MYO3A: variants seen among roughly 807,000 people sequenced by gnomAD.
MYO3A encodes the protein myosin IIIA.
Under a neutral mutation model 192.7 loss-of-function variants are expected in MYO3A, and 180 were observed. The observed-to-expected ratio is 0.93, with a 90% CI of 0.83 to 1.06. MYO3A has a LOEUF of 1.06. Among genes scored for constraint, MYO3A ranks in the 50% least tolerant of loss-of-function variants. The pLI is 0.00. For synonymous variants in MYO3A, 628 were observed against 645.3 expected (o/e 0.97, Z 0.41); for missense variants, 1,896 against 1,905.0 (o/e 1.00, Z 0.09).
chr10:25,934,894 T>C (rs1437734688), intron 1 of MYO3A, among the ~76,000 whole-genome samples: 1 of 151,178 alleles, frequency 6.6e-6, no homozygotes, highest in Non-Finnish European at 1.5e-5. Flanking sequence ...TCTTTAGGGG[T>C]GAACTTGGGA....
At chr10:25,941,625 T>G (rs1836492709) in intron 2 of MYO3A, among the ~76,000 whole-genome samples, 1 of 152,150 alleles carries the variant, frequency 6.6e-6, no homozygotes, top group African/African-American at 2.4e-5. Flanking sequence ...TACATAAAAT[T>G]TACCCTTTAA....
At chr10:26,165,209 TA>T (rs1369350258) in intron 26 of MYO3A, among the ~76,000 whole-genome samples, 1 of 152,104 alleles carries the variant, frequency 6.6e-6, no homozygotes, top group Non-Finnish European at 1.5e-5. Context: ...GAGTCAAGGG[TA>T]AAACTCTGCT....
chr10:26,159,130 A>G (rs1051694577), intron 26 of MYO3A, among the ~76,000 whole-genome samples: 1 of 150,336 alleles, frequency 6.7e-6, no homozygotes, highest in African/African-American at 2.4e-5. Flanking sequence ...AGCTAGAACT[A>G]CAGGCGCCCG....
At chr10:26,051,379 C>T (rs1843991974) in intron 10 of MYO3A, among the ~76,000 whole-genome samples, 1 of 151,810 alleles carries the variant, frequency 6.6e-6, no homozygotes, top group Non-Finnish European at 1.5e-5. Context: ...TTTCTATACA[C>T]ATCAGTTGCA....
intron 21 of MYO3A, among the ~76,000 whole-genome samples, chr10:26,144,592 A>G (rs1302268460): frequency 6.6e-6 from 1 of 152,178 alleles, no homozygotes; most frequent in Non-Finnish European, 1.5e-5. Context: ...GCTGCCTTTA[A>G]GATCATGTTT....
Position 26,120,758 on chromosome 10 carries a change from A to C in MYO3A, c.1859A>C (p.Gln620Pro), listed in dbSNP as rs886463338. The change falls in exon 18 of 35, where the codon CAG (glutamine) becomes CCG (proline). Residue 620 changes from glutamine to proline, a missense_variant. Coordinates refer to ENST00000642920, the MANE Select transcript of MYO3A (RefSeq NM_017433.5). ...TTTTCTTCTGTGGCAACTGAACACCAGATTGACAAGAGCCACATTTCTAAT... is the reference window on the plus strand; with the variant it reads ...TTTTCTTCTGTGGCAACTGAACACCCGATTGACAAGAGCCACATTTCTAAT... ...IEFSSVATEH[Q>P]IDKSHISNHT... 1 of 1,614,134 alleles carries C rather than the reference A, an allele frequency of 6.2e-7. No homozygotes were observed. The highest frequency in any genetic ancestry group is 1.7e-4 in the Middle Eastern group (1 of 6,060).
intron 14 of MYO3A, among the ~76,000 whole-genome samples, chr10:26,076,002 G>C (rs1332100914): frequency 6.6e-6 from 1 of 150,948 alleles, no homozygotes; most frequent in Non-Finnish European, 1.5e-5. Context: ...TTTTCTTCTG[G>C]GTGGATACCC....
intron 34 of MYO3A, among the ~76,000 whole-genome samples, chr10:26,209,035 C>T (rs1844103099): frequency 6.6e-6 from 1 of 152,232 alleles, no homozygotes; most frequent in Admixed American, 6.5e-5. Context: ...CCTGTCCACT[C>T]TTTCAAACTT....
chr10:26,176,150 C>T (rs1842318756), intron 30 of MYO3A, among the ~76,000 whole-genome samples: 2 of 152,044 alleles, frequency 1.3e-5, no homozygotes, highest in African/African-American at 2.4e-5. Context: ...AAAAATCAGC[C>T]GGGCGTGGTG....
chr10:26,191,768 A>T (rs1279650323), intron 31 of MYO3A, among the ~76,000 whole-genome samples: 1 of 152,212 alleles, frequency 6.6e-6, no homozygotes, highest in Non-Finnish European at 1.5e-5. Flanking sequence ...CCCTCGGTTG[A>T]AGCTGATTTA....
intron 14 of MYO3A, among the ~76,000 whole-genome samples, chr10:26,086,465 C>G (rs1483154034): frequency 2.6e-5 from 4 of 152,122 alleles, no homozygotes; most frequent in Non-Finnish European, 5.9e-5. Context: ...TGATGTCACT[C>G]CTAATTCAAA....
At chr10:25,997,081 TTG>T (rs1840495393) in intron 5 of MYO3A, 76 bp from the exon 6 acceptor site, 1 of 1,086,356 alleles carries the variant, frequency 9.2e-7, no homozygotes, top group Non-Finnish European at 1.4e-6. Flanking sequence ...CCTATTGATT[TTG>T]TACAGGTACA....
chr10:26,065,728 A>G (rs1487292653), intron 10 of MYO3A, among the ~76,000 whole-genome samples: 1 of 152,098 alleles, frequency 6.6e-6, no homozygotes, highest in Non-Finnish European at 1.5e-5. Context: ...TGGGTGATAT[A>G]ACAGAGAAAA....
At chr10:25,976,777 A>G (rs1283063434) in intron 4 of MYO3A, among the ~76,000 whole-genome samples, 2 of 152,034 alleles carry the variant, frequency 1.3e-5, no homozygotes, top group Non-Finnish European at 2.9e-5. Context: ...ATACATAATT[A>G]TTTTTCAGTC....
At chr10:26,177,010 T>C (rs539333103) in intron 31 of MYO3A, among the ~76,000 whole-genome samples, 165 bp downstream of exon 31, 1 of 152,284 alleles carries the variant, frequency 6.6e-6, no homozygotes, top group East Asian at 1.9e-4. Flanking sequence ...TTTTAGGATG[T>C]TCTACCCACT....
chr10:25,995,686 G>A (rs1372290564), intron 4 of MYO3A, among the ~76,000 whole-genome samples: 1 of 152,178 alleles, frequency 6.6e-6, no homozygotes, highest in Non-Finnish European at 1.5e-5. Flanking sequence ...GTTTTGGTGT[G>A]GATGTCCTTT....
chr10:25,945,965 G>C (rs1727307116), intron 2 of MYO3A, among the ~76,000 whole-genome samples: 2 of 152,058 alleles, frequency 1.3e-5, no homozygotes, highest in African/African-American at 4.8e-5. Flanking sequence ...AACTTAACTT[G>C]ATTGCTTATA....
chr10:26,094,646 G>C (rs965717898), intron 15 of MYO3A, among the ~76,000 whole-genome samples: 1 of 151,994 alleles, frequency 6.6e-6, no homozygotes, highest in South Asian at 2.1e-4. Flanking sequence ...GGATGGTCTC[G>C]ATCTCCTGAC....
chr10:26,125,465 T>C lies in MYO3A; in HGVS notation c.1971T>C (p.Thr657=), dbSNP rs112195128. Residue 657 remains threonine (T), a synonymous_variant, in exon 19 of 35, where the codon ACT becomes ACC. Coordinates refer to ENST00000642920, the MANE Select transcript of MYO3A (RefSeq NM_017433.5). ...QEALTSHCVV[T]RGETIIRPNT... ...CTCTCACCTCCCACTGTGTGGTCAC[T>C]AGAGGAGAAACAATTATACGACCCA... 8.4e-4 allele frequency: 1,351 copies of C among 1,614,066 alleles called. 13 individuals are homozygous for C. The African/African-American group carries it at 0.016, about 19-fold the overall frequency.
Sources: allele counts gnomAD v4.1 joint callset (sites outside exome capture counted in the v4.1 genomes callset), GRCh38; gene constraint gnomAD v4.1.1; transcripts MANE v1.5; gene names NCBI Gene and HGNC (gene_info 2026-07-23, HGNC 2026-07-21).